CTDP1: variants seen among roughly 807,000 people sequenced by gnomAD.
CTDP1 encodes the protein RNA polymerase II subunit A C-terminal domain phosphatase.
A neutral mutation model predicts 91.8 loss-of-function variants in CTDP1; 47 were observed. The observed-to-expected ratio is 0.51, with a 90% CI of 0.41 to 0.65. CTDP1 has a LOEUF of 0.65. Ranked by LOEUF, CTDP1 falls within the 30% of genes least tolerant of loss-of-function variation. The probability of loss-of-function intolerance (pLI) is 0.00; values close to 1 mark genes in which losing one functional copy is unlikely to be tolerated. For missense variants in CTDP1, 1,272 were observed against 1,373.7 expected, an observed-to-expected ratio of 0.93 and a Z score of 1.17; for synonymous variants, 656 against 598.5, an observed-to-expected ratio of 1.10 and a Z score of -1.40.
At chr18:79,755,539 C>G (rs1044824848), downstream of CTDP1, 1 of 152,140 alleles carries the variant, frequency 6.6e-6, no homozygotes, top group Non-Finnish European at 1.5e-5. Flanking sequence ...AGTAATGTGC[C>G]GGGGGGTGGG....
intron 1 of CTDP1, chr18:79,685,182 G>A (rs889369145): frequency 6.6e-6 from 1 of 152,286 alleles, no homozygotes; most frequent in Admixed American, 6.5e-5. Context: ...TTCAGCCCTG[G>A]AGATTCCTAG....
chr18:79,715,178 A>AC lies in CTDP1; in HGVS notation c.1720dup (p.Gln574ProfsTer13). The AC allele has an allele frequency of 6.2e-7, 1 of 1,612,976 alleles. No individual in the cohort carries two copies. The highest frequency in any genetic ancestry group is 8.5e-7 in the Non-Finnish European group (1 of 1,179,778). On this transcript the variant is annotated frameshift_variant, in exon 8 of 13. Coordinates refer to ENST00000613122, the MANE Select transcript of CTDP1 (RefSeq NM_004715.5). LOFTEE classifies it high-confidence loss of function. ...GGGGTCACTGCGGGTGAGTCCCTGG[A>AC]CCAGAGCATGGAGGAGGAGGAGGAG... is the stretch of plus-strand genomic sequence containing the variant.
chr18:79,703,893 T>C (rs1165695761), intron 4 of CTDP1, among the ~76,000 whole-genome samples: 1 of 152,092 alleles, frequency 6.6e-6, no homozygotes, highest in African/African-American at 2.4e-5. Flanking sequence ...CGTGTAGTTA[T>C]CACAGGCTGT....
At chr18:79,732,072 G>A (rs2086577153) in intron 11 of CTDP1, among the ~76,000 whole-genome samples, 1 of 151,962 alleles carries the variant, frequency 6.6e-6, no homozygotes, top group African/African-American at 2.4e-5. Context: ...GCTAACATCA[G>A]GAGTGCTCCC....
Position 79,713,101 on chromosome 18 carries a change from G to T in CTDP1, c.993G>T (p.Ala331=), listed in dbSNP as rs761534995. 6 of 1,613,840 alleles carry T rather than the reference G, an allele frequency of 3.7e-6. No homozygotes were observed. The highest frequency in any genetic ancestry group is 5.1e-6 in the Non-Finnish European group (6 of 1,179,986). ...VYFQGTGDMN[A]PPGSRESQTR... Reference sequence around the variant, plus strand: ...TCCAGGGCACGGGTGATATGAATGCGCCCCCTGGGTCCCGAGAATCTCAGA... The same window carrying T: ...TCCAGGGCACGGGTGATATGAATGCTCCCCCTGGGTCCCGAGAATCTCAGA... The change falls in exon 7 of 13, where the codon GCG becomes GCT. Residue 331 remains alanine, a synonymous_variant. Coordinates refer to ENST00000613122, the MANE Select transcript of CTDP1 (RefSeq NM_004715.5). The surrounding 1 kb of genome is among the most constrained non-coding windows in gnomAD (Gnocchi z 4.7).
At chr18:79,749,705 G>A (rs2086957783) in intron 12 of CTDP1, 1 of 152,314 alleles carries the variant, frequency 6.6e-6, no homozygotes, top group South Asian at 2.1e-4. Context: ...AGTGGGTTGA[G>A]CTCTTCCAGG....
chr18:79,747,929 T>C (rs2086913737), intron 12 of CTDP1, among the ~76,000 whole-genome samples: 1 of 152,252 alleles, frequency 6.6e-6, no homozygotes, highest in Non-Finnish European at 1.5e-5. Context: ...TCGTGTGCAC[T>C]GTGACAGCCC....
At chr18:79,727,251 C>T (rs1431777252) in intron 10 of CTDP1, among the ~76,000 whole-genome samples, 1 of 152,210 alleles carries the variant, frequency 6.6e-6, no homozygotes, top group Non-Finnish European at 1.5e-5. Context: ...GCAGTTGGCC[C>T]TTTGAACAAC....
intron 8 of CTDP1, among the ~76,000 whole-genome samples, chr18:79,716,140 A>G (rs766614741): frequency 2.6e-5 from 4 of 152,208 alleles, no homozygotes; most frequent in Non-Finnish European, 4.4e-5. Context: ...TTATTCTGTG[A>G]AAATGCTCCC....
intron 12 of CTDP1, among the ~76,000 whole-genome samples, chr18:79,738,324 TC>T (rs1393950940): frequency 6.6e-6 from 1 of 152,226 alleles, no homozygotes; most frequent in African/African-American, 2.4e-5. Flanking sequence ...CCTGCCGACA[TC>T]CTCAGTACAG....
intron 5 of CTDP1, among the ~76,000 whole-genome samples, chr18:79,705,848 T>G (rs1358712359): frequency 1.3e-5 from 2 of 152,264 alleles, no homozygotes; most frequent in Non-Finnish European, 2.9e-5. Context: ...ATCATGACCT[T>G]TAATTCCTCT....
chr18:79,679,890 C>G lies in CTDP1; in HGVS notation c.-58C>G. On this transcript the variant is annotated 5_prime_UTR_variant, in exon 1 of 13. Coordinates refer to ENST00000613122, the MANE Select transcript of CTDP1 (RefSeq NM_004715.5). ...CTGGGTTGTGTCGCCGCGGTAGGCG[C>G]TGCGCTCTGAGCGCAGCGCAGGCCC... 7.5e-7 allele frequency: 1 copy of G among 1,325,530 alleles called. No homozygotes were observed. Among genetic ancestry groups the G allele is most frequent in the Non-Finnish European group, 9.7e-7 (1 of 1,030,390 alleles). 82.1% of individuals were successfully genotyped at this position (1,325,530 alleles called of 1,614,324 possible).
rs1332454473 is a variant in CTDP1, at chr18:79,718,007, C to T, written c.2408C>T (p.Ser803Phe). 1.5e-5 allele frequency: 24 copies of T among 1,613,260 alleles called. No homozygotes were observed. Among genetic ancestry groups the T allele is most frequent in the Non-Finnish European group, 1.3e-5 (15 of 1,179,892 alleles). Residue 803 changes from serine (S) to phenylalanine (F), a missense_variant, in exon 10 of 13, where the codon TCT (serine) becomes TTT (phenylalanine). By Grantham distance (155) the Ser-to-Phe change is radical. This residue lies in a region of CTDP1 where 881 missense variants were observed against 911.6 expected (regional missense o/e 0.97). Coordinates refer to ENST00000613122, the MANE Select transcript of CTDP1 (RefSeq NM_004715.5). ...SSSLPIRQEP[S>F]SFRAVPPPQP... is the part of the protein sequence containing the mutation. ...TCCCTACCCATCCGCCAGGAGCCCT[C>T]TTCCTTCAGGTACGTGGCGGCCCAG...
Position 79,729,058 on chromosome 18 carries a change from A to G in CTDP1, c.2569A>G (p.Met857Val). 4 of 1,613,368 alleles carry G rather than the reference A, an allele frequency of 2.5e-6. No individual in the cohort carries two copies. Among genetic ancestry groups the G allele is most frequent in the Non-Finnish European group, 3.4e-6 (4 of 1,180,026 alleles). ...TCTTTGTAAGGAGGATTTAGAGAGT[A>G]TGGACAAAGAGGTGAGCCAACCCCA... The part of the protein sequence containing the change: ...YTLCKEDLES[M>V]DKEVDDILGE... Residue 857 changes from methionine to valine, a missense_variant, in exon 11 of 13, where the codon ATG (methionine) becomes GTG (valine). By Grantham distance (21) the Met-to-Val change is conservative (BLOSUM62 1). Around this residue, in one of 3 missense-constraint regions of CTDP1, gnomAD observed 881 missense variants for 911.6 expected, o/e 0.97. Coordinates refer to ENST00000613122, the MANE Select transcript of CTDP1 (RefSeq NM_004715.5).
rs558574888 is a variant in CTDP1, at chr18:79,751,084, G to A, written c.2748-2568G>A. On this transcript the variant is annotated intron_variant, in intron 12 of 12. Coordinates refer to ENST00000613122, the MANE Select transcript of CTDP1 (RefSeq NM_004715.5). ...GCACACAGAGGGCAGGTCAGGGAGGGAGGGAGGCTGGGCACACAGAGGGCA... is the reference window on the plus strand; with the variant it reads ...GCACACAGAGGGCAGGTCAGGGAGGAAGGGAGGCTGGGCACACAGAGGGCA... Among the ~76,000 whole-genome samples the A allele has an allele frequency of 3.6e-4, 47 of 128,946 alleles. 1 individual carries two copies. The highest frequency in any genetic ancestry group is 1.2e-3 in the African/African-American group (38 of 32,634). 84.6% of individuals were successfully genotyped at this position (128,946 alleles called of 152,430 possible).
rs1308474344 is a variant in CTDP1, at chr18:79,706,695, A to AT, written c.772+1785dup. ...ATAAATCTTCATCATTTTATGTAAG[A>AT]TTTTTTTCCCTCCTCTGTGGACTGG... On this transcript the variant is annotated intron_variant, in intron 5 of 12. Transcript: ENST00000613122. Among the ~76,000 whole-genome samples the AT allele has an allele frequency of 5.3e-5, 8 of 152,230 alleles. No homozygotes were observed. The East Asian group carries it at 7.7e-4, about 15-fold the overall frequency.
intron 4 of CTDP1, among the ~76,000 whole-genome samples, chr18:79,698,469 C>G (rs1312678293): frequency 6.6e-6 from 1 of 152,096 alleles, no homozygotes; most frequent in Non-Finnish European, 1.5e-5. Context: ...CGTACATTCT[C>G]CAGGGGAAAC....
intron 11 of CTDP1, among the ~76,000 whole-genome samples, chr18:79,734,730 A>G (rs1432335806): frequency 6.6e-6 from 1 of 152,240 alleles, no homozygotes; most frequent in Non-Finnish European, 1.5e-5. Flanking sequence ...GGCCCTAAGT[A>G]TTTCAGAATA....
At position 79,728,910 on chromosome 18, in the gene CTDP1, G is replaced by T; in HGVS notation, c.2421G>T (p.Ala807=). The T allele has an allele frequency of 6.2e-7, 1 of 1,613,994 alleles. No homozygotes were observed. The highest frequency in any genetic ancestry group is 8.5e-7 in the Non-Finnish European group (1 of 1,180,042). ...PIRQEPSSFR[A]VPPPQPQMFG... is the part of the protein sequence containing the mutation. The stretch of plus-strand genomic sequence containing the variant: ...GGACCTATGAAATTCCTTTCAGAGC[G>T]GTTCCGCCACCCCAGCCGCAGATGT... The change falls in exon 11 of 13, where the codon GCG becomes GCT. Residue 807 remains alanine, a synonymous_variant. Transcript: ENST00000613122.
Sources: gnomAD v4.1 joint callset for allele counts (sites outside exome capture counted in the v4.1 genomes callset) on GRCh38, gnomAD v4.1.1 for gene constraint, gnomAD v4.1.1 regional missense constraint, Gnocchi (gnomAD v3.1) non-coding constraint, MANE v1.5 for transcripts, NCBI Gene and HGNC (gene_info 2026-07-23, HGNC 2026-07-21) for gene names.